MYO18B: variants seen among roughly 807,000 people sequenced by gnomAD.
The protein encoded by MYO18B is myosin XVIIIB, also known as unconventional myosin-XVIIIb.
Under a neutral mutation model 273.0 loss-of-function variants are expected in MYO18B, and 204 were observed. The ratio of observed to expected loss-of-function variants is 0.75; its 90% confidence interval spans 0.67 to 0.84. MYO18B has a LOEUF of 0.84. Among genes scored for constraint, MYO18B ranks in the 40% least tolerant of loss-of-function variants. MYO18B has a pLI of 0.00. For synonymous variants in MYO18B, 1,330 were observed against 1,305.7 expected (o/e 1.02, Z -0.40); for missense variants, 3,212 against 3,287.6 (o/e 0.98, Z 0.56).
chr22:25,808,912 GAGTT>G (rs1456704595), intron 12 of MYO18B, among the ~76,000 whole-genome samples: 1 of 152,140 alleles, frequency 6.6e-6, no homozygotes, highest in Non-Finnish European at 1.5e-5. Flanking sequence ...GGGCCCAGGA[GAGTT>G]TTCCCCAGCA....
At chr22:25,820,410 A>C (rs1005515202) in intron 12 of MYO18B, among the ~76,000 whole-genome samples, 1 of 152,160 alleles carries the variant, frequency 6.6e-6, no homozygotes, top group Non-Finnish European at 1.5e-5. Flanking sequence ...CAAGCTGTCT[A>C]CTTGAAGAAT....
At position 25,818,541 on chromosome 22, in the gene MYO18B, A is replaced by G. The variant is rs141418282; in HGVS notation, c.2522-4964A>G. ...TAGCTCAGTGCCTGGCACATAGGCT[A>G]TGCTCAACACTCGATGGCTTGAGAA... On this transcript the variant is annotated intron_variant, in intron 12 of 43. Coordinates refer to ENST00000335473, the MANE Select transcript of MYO18B (RefSeq NM_032608.7). 4.4e-4 allele frequency among the ~76,000 whole-genome samples: 67 copies of G among 152,350 alleles called. No individual in the cohort carries two copies. The East Asian group carries it at 0.011, about 25-fold the overall frequency.
chr22:25,956,563 C>T (rs2092855030), intron 39 of MYO18B, among the ~76,000 whole-genome samples: 2 of 152,128 alleles, frequency 1.3e-5, no homozygotes, highest in Non-Finnish European at 2.9e-5. Flanking sequence ...GAAGGTTTCT[C>T]CATCATTCAG....
chr22:25,867,255 C>T (rs905113650), intron 21 of MYO18B, among the ~76,000 whole-genome samples: 10 of 152,194 alleles, frequency 6.6e-5, no homozygotes, highest in African/African-American at 2.2e-4. Flanking sequence ...AAAACTGAAA[C>T]GTTATACCCG....
At chr22:25,913,661 C>A (rs550562732) in intron 33 of MYO18B, among the ~76,000 whole-genome samples, 1 of 152,280 alleles carries the variant, frequency 6.6e-6, no homozygotes, top group Non-Finnish European at 1.5e-5. Context: ...AGCCATCGTG[C>A]CTGGCCGATT....
At chr22:25,915,648 TTA>T (rs1569186105) in intron 33 of MYO18B, among the ~76,000 whole-genome samples, 1 of 152,220 alleles carries the variant, frequency 6.6e-6, no homozygotes, top group Admixed American at 6.5e-5. Flanking sequence ...TTATTGAATA[TTA>T]TATGTTTTTT....
chr22:25,873,651 G>C (rs1449587248), intron 22 of MYO18B, among the ~76,000 whole-genome samples: 1 of 152,102 alleles, frequency 6.6e-6, no homozygotes, highest in African/African-American at 2.4e-5. Context: ...TGTTGGTCAG[G>C]CTGGTCTCGA....
At chr22:25,862,038 CT>C (rs2090752852) in intron 21 of MYO18B, among the ~76,000 whole-genome samples, 1 of 152,148 alleles carries the variant, frequency 6.6e-6, no homozygotes, top group Non-Finnish European at 1.5e-5. Context: ...CATATACAGA[CT>C]TATTTTCTTG....
intron 38 of MYO18B, among the ~76,000 whole-genome samples, chr22:25,954,104 T>C (rs1300773590): frequency 1.3e-5 from 2 of 152,190 alleles, no homozygotes; most frequent in Non-Finnish European, 2.9e-5. Flanking sequence ...ATGTCAACAC[T>C]AGAGTATTTG....
chr22:25,865,046 A>G (rs539479989), intron 21 of MYO18B, among the ~76,000 whole-genome samples: 13 of 152,362 alleles, frequency 8.5e-5, no homozygotes, highest in African/African-American at 3.1e-4. Context: ...TAAACCAATG[A>G]CAGTTTCGTA....
At chr22:25,802,212 C>G (rs2088231033) in intron 12 of MYO18B, among the ~76,000 whole-genome samples, 1 of 152,198 alleles carries the variant, frequency 6.6e-6, no homozygotes, top group Non-Finnish European at 1.5e-5. Flanking sequence ...ACACACTTTA[C>G]TTACAACCAC....
rs143753894 is a variant in MYO18B at position 25,885,645 on chromosome 22, A to G, written c.4315-5111A>G. Reference sequence around the variant, plus strand: ...GACTGGATCGCAGGGGGTCAGGAGAATCACATTCGAGGTTTGGACTTCATC... The same window carrying G: ...GACTGGATCGCAGGGGGTCAGGAGAGTCACATTCGAGGTTTGGACTTCATC... On this transcript the variant is annotated intron_variant, in intron 25 of 43. Transcript: ENST00000335473. 5.3e-4 allele frequency among the ~76,000 whole-genome samples: 81 copies of G among 152,266 alleles called. No homozygotes were observed. The East Asian group carries it at 0.014, about 27-fold the overall frequency.
intron 1 of MYO18B, among the ~76,000 whole-genome samples, chr22:25,759,522 G>C (rs972062209): frequency 3.3e-5 from 5 of 152,134 alleles, no homozygotes; most frequent in Admixed American, 2.6e-4. Context: ...CCTGTCGAGG[G>C]GTGGGGGACT....
chr22:25,955,376 C>A lies in MYO18B; in HGVS notation c.6156+12C>A. On this transcript the variant is annotated intron_variant, in intron 39 of 43. Coordinates refer to ENST00000335473, the MANE Select transcript of MYO18B (RefSeq NM_032608.7). ...GGTGCATGGAGCTGGTGAGTCCTGT[C>A]CCCATCATGGGCTCTTAGCGACTGA... The A allele has an allele frequency of 6.2e-7, 1 of 1,602,800 alleles. No individual in the cohort carries two copies. The highest frequency in any genetic ancestry group is 1.1e-5 in the South Asian group (1 of 90,336).
intron 22 of MYO18B, among the ~76,000 whole-genome samples, chr22:25,871,129 G>A (rs1188786598): frequency 6.6e-6 from 1 of 152,136 alleles, no homozygotes; most frequent in Non-Finnish European, 1.5e-5. Flanking sequence ...TGCAGGATTG[G>A]CATGTAATAA....
At position 25,947,760 on chromosome 22, in the gene MYO18B, A is replaced by C. The variant is rs771996857; in HGVS notation, c.5680A>C (p.Lys1894Gln). 15 of 1,613,802 alleles carry C rather than the reference A, an allele frequency of 9.3e-6. 1 individual carries two copies. In the South Asian group the frequency reaches 1.3e-4, roughly 14 times the overall value. ...GCAGTTTGAGAAGGCGGACCTCCTG[A>C]AGCGCATCGATGAGGACCAGGATGA... is the stretch of plus-strand genomic sequence containing the variant. ...RLQFEKADLLKRIDEDQDDLN... is the reference protein window; with the variant it reads ...RLQFEKADLLQRIDEDQDDLN... Residue 1894 changes from lysine (K) to glutamine (Q), a missense_variant, in exon 36 of 44, where the codon AAG (lysine) becomes CAG (glutamine). Coordinates refer to ENST00000335473, the MANE Select transcript of MYO18B (RefSeq NM_032608.7).
At chr22:25,859,805 G>A (rs978293609) in intron 21 of MYO18B, among the ~76,000 whole-genome samples, 1 of 151,986 alleles carries the variant, frequency 6.6e-6, no homozygotes, top group Non-Finnish European at 1.5e-5. Flanking sequence ...CCAGCCTGTG[G>A]CTTGTCTTTT....
intron 39 of MYO18B, among the ~76,000 whole-genome samples, chr22:25,974,978 G>T (rs2093073011): frequency 6.6e-6 from 1 of 152,160 alleles, no homozygotes; most frequent in African/African-American, 2.4e-5. Flanking sequence ...CCCAGAGTTG[G>T]AGAAAAATGG....
At chr22:25,778,039 C>T (rs928357266) in intron 8 of MYO18B, among the ~76,000 whole-genome samples, 12 of 152,136 alleles carry the variant, frequency 7.9e-5, no homozygotes, top group African/African-American at 2.2e-4. Context: ...TTGTTAGAAC[C>T]GGATACTTGA....
Sources: gnomAD v4.1 joint callset for allele counts (sites outside exome capture counted in the v4.1 genomes callset) on GRCh38, gnomAD v4.1.1 for gene constraint, MANE v1.5 for transcripts, NCBI Gene and HGNC (gene_info 2026-07-23, HGNC 2026-07-21) for gene names.